The following TMEM135 variants were observed in gnomAD, a reference collection of about 807,000 sequenced individuals.
TMEM135 encodes peroxisomal membrane protein 52.
Under a neutral mutation model 60.3 loss-of-function variants are expected in TMEM135, and 30 were observed. The ratio of observed to expected loss-of-function variants is 0.50; its 90% confidence interval spans 0.37 to 0.68. TMEM135 has a LOEUF of 0.68. TMEM135 is among the 30% of genes least tolerant of loss of function. TMEM135 has a pLI of 0.00. For missense variants in TMEM135, 468 were observed against 548.8 expected (o/e 0.85, Z 1.47); for synonymous variants, 190 against 186.7 (o/e 1.02, Z -0.14).
intron 12 of TMEM135, among the ~76,000 whole-genome samples, chr11:87,315,631 G>C (rs1346293160): frequency 6.6e-6 from 1 of 151,834 alleles, no homozygotes; most frequent in Non-Finnish European, 1.5e-5. Flanking sequence ...TCTTTATTCT[G>C]TGTTTATTAG....
At chr11:87,117,946 G>A (rs1032047908) in intron 4 of TMEM135, among the ~76,000 whole-genome samples, 2 of 152,152 alleles carry the variant, frequency 1.3e-5, no homozygotes, top group African/African-American at 4.8e-5. Context: ...AGATTTGCAA[G>A]TTCAAACTAC....
Position 87,321,861 on chromosome 11 carries a change from G to A in TMEM135, c.*528G>A, listed in dbSNP as rs2134541878. 2.2e-6 allele frequency: 1 copy of A among 454,316 alleles called. No individual in the cohort carries two copies. The highest frequency in any genetic ancestry group is 7.0e-5 in the East Asian group (1 of 14,382). 28.1% of individuals were successfully genotyped at this position (454,316 alleles called of 1,614,324 possible). The stretch of plus-strand genomic sequence containing the variant: ...ACGGACAGTGCTGCTTTCGTGTAGA[G>A]CAATTTAATTGGAGAAGTGGCCATT... On this transcript the variant is annotated 3_prime_UTR_variant, in exon 15 of 15. Transcript: ENST00000305494.
intron 5 of TMEM135, among the ~76,000 whole-genome samples, chr11:87,233,803 A>G (rs1422738271): frequency 1.3e-5 from 2 of 152,114 alleles, no homozygotes; most frequent in Admixed American, 6.6e-5. Context: ...GTATGGGCAT[A>G]TCACTTACCT....
chr11:87,300,414 T>C (rs2135438429), intron 7 of TMEM135, among the ~76,000 whole-genome samples: 1 of 152,300 alleles, frequency 6.6e-6, no homozygotes. Flanking sequence ...GTTAGAAATA[T>C]ATGTAGCTTA....
At chr11:87,300,896 C>T (rs1259036666) in intron 7 of TMEM135, among the ~76,000 whole-genome samples, 2 of 151,092 alleles carry the variant, frequency 1.3e-5, no homozygotes, top group African/African-American at 4.9e-5. Flanking sequence ...AAGGAAGTGA[C>T]CTCTAATCTG....
intron 5 of TMEM135, among the ~76,000 whole-genome samples, chr11:87,232,872 T>TG (rs1260038589): frequency 6.6e-6 from 1 of 151,896 alleles, no homozygotes; most frequent in Non-Finnish European, 1.5e-5. Context: ...ACTCAGTTAC[T>TG]GGGGGCAGTA....
intron 4 of TMEM135, chr11:87,121,534 A>T (rs660246): frequency 0.48 from 72,261 of 151,722 alleles, 17,515 homozygotes; most frequent in East Asian, 0.67. Flanking sequence ...TATTATATAC[A>T]GAGCACAGGA....
chr11:87,206,384 G>A (rs567471790), intron 5 of TMEM135, among the ~76,000 whole-genome samples: 8 of 151,998 alleles, frequency 5.3e-5, no homozygotes, highest in African/African-American at 1.9e-4. Context: ...ATTATTCCAG[G>A]ACTACAGGAA....
chr11:87,304,206 A>C (rs1942495558), intron 8 of TMEM135, among the ~76,000 whole-genome samples: 1 of 152,006 alleles, frequency 6.6e-6, no homozygotes, highest in Non-Finnish European at 1.5e-5. Flanking sequence ...CCCTGCCTCT[A>C]AAAAAAATTT....
intron 12 of TMEM135, among the ~76,000 whole-genome samples, chr11:87,316,285 T>TGA (rs762821907): frequency 0.096 from 14,282 of 149,236 alleles, 721 homozygotes; most frequent in South Asian, 0.12. Context: ...TGTGTGTGTG[T>TGA]GAGAGAGAGA....
chr11:87,225,658 G>T (rs1160607363), intron 5 of TMEM135, among the ~76,000 whole-genome samples: 1 of 151,990 alleles, frequency 6.6e-6, no homozygotes, highest in Non-Finnish European at 1.5e-5. Flanking sequence ...GCATTAGGGG[G>T]ATTACTCCTA....
At chr11:87,196,215 T>G (rs1454175970) in intron 5 of TMEM135, among the ~76,000 whole-genome samples, 1 of 152,180 alleles carries the variant, frequency 6.6e-6, no homozygotes, top group Non-Finnish European at 1.5e-5. Context: ...GATTTTGTGC[T>G]AAAAAGTGAA....
Position 87,108,512 on chromosome 11 carries a change from A to G in TMEM135, c.396+17117A>G, listed in dbSNP as rs565784368. On this transcript the variant is annotated intron_variant, in intron 4 of 14. Coordinates refer to ENST00000305494, the MANE Select transcript of TMEM135 (RefSeq NM_022918.4). ...TTTAAAAAAACTCTCAGTTTTGTTG[A>G]TTTTTTTATAGTGTTTTTCTAGTCT... Among the ~76,000 whole-genome samples the G allele has an allele frequency of 2.9e-4, 44 of 151,726 alleles. No homozygotes were observed. The South Asian group carries it at 5.0e-3, about 17-fold the overall frequency.
chr11:87,204,273 T>G (rs1424858839), intron 5 of TMEM135, among the ~76,000 whole-genome samples: 1 of 152,130 alleles, frequency 6.6e-6, no homozygotes, highest in Admixed American at 6.5e-5. Flanking sequence ...CGTACAATTT[T>G]TTTTTACCAA....
chr11:87,210,119 C>T (rs986800042), intron 5 of TMEM135, among the ~76,000 whole-genome samples: 1 of 151,958 alleles, frequency 6.6e-6, no homozygotes. Context: ...ACTAGGAAAA[C>T]AAGAGCACAC....
In TMEM135 at chr11:87,327,620, A is replaced by C. The variant is rs1227143071; in HGVS notation, c.*6287A>C. On this transcript the variant is annotated 3_prime_UTR_variant, in exon 15 of 15. Coordinates refer to ENST00000305494, the MANE Select transcript of TMEM135 (RefSeq NM_022918.4). ...GGCTCATGTGATTGTGGAGGCTGAGAAACCCCACCACAGGCCATTCATAAC... is the reference window on the plus strand; with the variant it reads ...GGCTCATGTGATTGTGGAGGCTGAGCAACCCCACCACAGGCCATTCATAAC... 6.6e-6 allele frequency: 3 copies of C among 453,292 alleles called. No individual in the cohort carries two copies. Among genetic ancestry groups the C allele is most frequent in the African/African-American group, 6.0e-5 (3 of 49,906 alleles). The allele number at this position is 453,292 out of a possible 1,614,324, so 28.1% of individuals were successfully genotyped here. A position where few individuals can be genotyped will look rare whatever the true frequency, so the allele number is the denominator to read the frequency against.
At position 87,228,203 on chromosome 11, in the gene TMEM135, G is replaced by GT. The variant is rs1940807841; in HGVS notation, c.463-8434dup. 5.3e-5 allele frequency among the ~76,000 whole-genome samples: 8 copies of GT among 152,150 alleles called. No homozygotes were observed. In the South Asian group the frequency reaches 1.7e-3, roughly 32 times the overall value. On this transcript the variant is annotated intron_variant, in intron 5 of 14. Coordinates refer to ENST00000305494, the MANE Select transcript of TMEM135 (RefSeq NM_022918.4). ...TGTTCTTCAGGGCAACAAGAATCAA[G>GT]TATTAGGTAGTTATTTTCCCCTAGT... is the stretch of plus-strand genomic sequence containing the variant.
At chr11:87,192,179 C>T (rs1489484247) in intron 5 of TMEM135, among the ~76,000 whole-genome samples, 1 of 148,708 alleles carries the variant, frequency 6.7e-6, no homozygotes, top group African/African-American at 2.5e-5. Context: ...TTAGTAGAGA[C>T]GGGGTTTTAC....
At chr11:87,140,617 G>A (rs77577226) in intron 4 of TMEM135, among the ~76,000 whole-genome samples, 1 of 151,928 alleles carries the variant, frequency 6.6e-6, no homozygotes, top group Non-Finnish European at 1.5e-5. Context: ...TTTTGGTGTG[G>A]GCATCTTTGG....
Sources: allele counts gnomAD v4.1 joint callset (sites outside exome capture counted in the v4.1 genomes callset), GRCh38; gene constraint gnomAD v4.1.1; transcripts MANE v1.5; gene names NCBI Gene and HGNC (gene_info 2026-07-23, HGNC 2026-07-21).